Variants in NLRP5 observed in about 807,000 individuals in gnomAD.
NLRP5 encodes the protein NACHT, LRR and PYD domains-containing protein 5.
A neutral mutation model predicts 113.1 loss-of-function variants in NLRP5; 93 were observed. That is an observed-to-expected ratio of 0.82 (90% CI 0.70 to 0.98). The LOEUF (loss-of-function observed/expected upper bound fraction) is 0.98. Ranked by LOEUF, NLRP5 falls within the 50% of genes least tolerant of loss-of-function variation. The probability of loss-of-function intolerance (pLI) is 0.00; values close to 1 mark genes in which losing one functional copy is unlikely to be tolerated. For synonymous variants in NLRP5, 751 were observed against 600.7 expected, an observed-to-expected ratio of 1.25 and a Z score of -3.66; for missense variants, 1,808 against 1,514.3, an observed-to-expected ratio of 1.19 and a Z score of -3.22.
intron 6 of NLRP5, among the ~76,000 whole-genome samples, chr19:56,024,174 G>C (rs1982722517): frequency 6.6e-6 from 1 of 151,036 alleles, no homozygotes; most frequent in African/African-American, 2.4e-5. Context: ...CACATTTTCA[G>C]GCCCTGTGCT....
intron 2 of NLRP5, among the ~76,000 whole-genome samples, chr19:56,007,869 T>TG (rs1981984462): frequency 2.3e-5 from 2 of 85,928 alleles, no homozygotes; most frequent in African/African-American, 8.4e-5. Context: ...ACAAGACAGT[T>TG]TGTGTGTGTG....
chr19:56,059,120 G>A (rs1257099498), intron 14 of NLRP5, among the ~76,000 whole-genome samples: 1 of 152,200 alleles, frequency 6.6e-6, no homozygotes, highest in African/African-American at 2.4e-5. Context: ...GGCGATAGAT[G>A]GTTGTGGTGA....
intron 11 of NLRP5, 142 bp downstream of exon 11, chr19:56,041,234 CTCCTAGGTT>C (rs1217716262): frequency 1.5e-5 from 12 of 779,958 alleles, no homozygotes; most frequent in Non-Finnish European, 2.3e-5. Flanking sequence ...CTGTCCATGT[CTCCTAGGTT>C]TCATCCTTTC....
At chr19:56,051,212 A>C (rs1983920771) in intron 12 of NLRP5, among the ~76,000 whole-genome samples, 1 of 151,924 alleles carries the variant, frequency 6.6e-6, no homozygotes, top group African/African-American at 2.4e-5. Flanking sequence ...TTGTTTATTT[A>C]TTTTGAGTCT....
chr19:56,024,375 G>A (rs1293045798), intron 6 of NLRP5, among the ~76,000 whole-genome samples: 6 of 130,406 alleles, frequency 4.6e-5, no homozygotes, highest in East Asian at 2.1e-4. Context: ...ATATATATAT[G>A]TGTATATATA....
intron 13 of NLRP5, among the ~76,000 whole-genome samples, chr19:56,055,762 G>T (rs192962551): frequency 3.3e-5 from 5 of 151,272 alleles, no homozygotes; most frequent in Admixed American, 1.3e-4. Flanking sequence ...AGCCAGGATG[G>T]TCTCAATCTC....
intron 2 of NLRP5, among the ~76,000 whole-genome samples, chr19:56,007,654 A>G (rs1169074076): frequency 4.0e-5 from 6 of 151,238 alleles, no homozygotes; most frequent in African/African-American, 1.5e-4. Context: ...AAGCAATTAC[A>G]TAGTTTGAAA....
intron 1 of NLRP5, among the ~76,000 whole-genome samples, chr19:56,002,454 G>GTT (rs11291953): frequency 4.8e-5 from 7 of 146,886 alleles, no homozygotes; most frequent in Non-Finnish European, 9.0e-5. Context: ...TTTGCCAGAG[G>GTT]TTTTTTTTTT....
At chr19:56,010,134 C>T (rs1358657718) in intron 3 of NLRP5, among the ~76,000 whole-genome samples, 1 of 152,186 alleles carries the variant, frequency 6.6e-6, no homozygotes, top group Non-Finnish European at 1.5e-5. Flanking sequence ...CTCTGAGCTG[C>T]TCCTGGACAC....
rs769649907 is a variant in NLRP5, at chr19:56,041,041, A to G, written c.2906A>G (p.Asn969Ser). The G allele has an allele frequency of 1.2e-6, 2 of 1,613,970 alleles. No individual in the cohort carries two copies. Among genetic ancestry groups the G allele is most frequent in the East Asian group, 4.5e-5 (2 of 44,884 alleles). Residue 969 changes from asparagine (N) to serine (S), a missense_variant, in exon 11 of 15, where the codon AAT (asparagine) becomes AGT (serine). By Grantham distance (46) the Asn-to-Ser change is conservative (BLOSUM62 1). Transcript: ENST00000390649. ...AACAGCCTGGGGAACGAAGGTGTAA[A>G]TCTACTGTGTCGATCCATGAGGCTT... is the stretch of plus-strand genomic sequence containing the variant.
At chr19:56,026,773 T>TA (rs757714456) in intron 6 of NLRP5, 140 bp from the exon 7 acceptor site, 5 of 797,742 alleles carry the variant, frequency 6.3e-6, no homozygotes, top group Admixed American at 2.9e-5. Context: ...AGACGGGGCT[T>TA]TGCCATTGAC....
At chr19:55,989,265 T>C in the NLRP5 span, among the ~76,000 whole-genome samples, 9,203 of 152,254 alleles carry the variant, frequency 0.06, 310 homozygotes, top group Middle Eastern at 0.095. Context: ...ATTTTTGGTG[T>C]GTATGTGTTA....
intron 9 of NLRP5, among the ~76,000 whole-genome samples, chr19:56,035,127 T>C (rs778003236): frequency 6.6e-6 from 1 of 151,988 alleles, no homozygotes; most frequent in African/African-American, 2.4e-5. Flanking sequence ...TTAGTAGAGA[T>C]GGGGGTTTCA....
At chr19:56,037,904 AG>A in intron 9 of NLRP5, 120 bp from the exon 10 acceptor site, 11 of 954,302 alleles carry the variant, frequency 1.2e-5, no homozygotes, top group South Asian at 8.3e-5. Context: ...GCCCGGAGGC[AG>A]GAGCAGACAG....
intron 11 of NLRP5, among the ~76,000 whole-genome samples, chr19:56,041,896 C>T (rs1323906344): frequency 2.0e-5 from 3 of 152,220 alleles, no homozygotes; most frequent in Non-Finnish European, 4.4e-5. Flanking sequence ...TGGCAGTGAG[C>T]TGGCATGAGC....
intron 3 of NLRP5, among the ~76,000 whole-genome samples, chr19:56,009,060 C>G (rs1982069702): frequency 6.6e-6 from 1 of 152,002 alleles, no homozygotes; most frequent in Non-Finnish European, 1.5e-5. Context: ...GGCCTGGGGC[C>G]AGGTCTAGTG....
At chr19:56,004,546 AGTGGTTTGGTGCGAGTCTC>A (rs1439759048) in intron 2 of NLRP5, among the ~76,000 whole-genome samples, 1 of 152,092 alleles carries the variant, frequency 6.6e-6, no homozygotes, top group African/African-American at 2.4e-5. Flanking sequence ...TAACATTGGT[AGTGGTTTGGTGCGAGTCTC>A]GTGCTTGGCC....
At position 56,059,058 on chromosome 19, in the gene NLRP5, G is replaced by A. The variant is rs137971408; in HGVS notation, c.3470+648G>A. On this transcript the variant is annotated intron_variant, in intron 14 of 14. Transcript: ENST00000390649. Reference sequence around the variant, plus strand: ...TTCCAAAGGATTGGGGTGAGGGGTTGGGGAGTTGTGTAATAGGTGCAGAGT... The same window carrying A: ...TTCCAAAGGATTGGGGTGAGGGGTTAGGGAGTTGTGTAATAGGTGCAGAGT... Among the ~76,000 whole-genome samples, 204 of 152,338 alleles carry A rather than the reference G, an allele frequency of 1.3e-3. 1 individual carries two copies. Among genetic ancestry groups the A allele is most frequent in the African/African-American group, 4.8e-3 (199 of 41,582 alleles).
chr19:56,041,846 G>T (rs1983534159), intron 11 of NLRP5, among the ~76,000 whole-genome samples: 1 of 152,192 alleles, frequency 6.6e-6, no homozygotes, highest in African/African-American at 2.4e-5. Flanking sequence ...CGACTCAGGA[G>T]GCTGAGGCAG....
Sources: allele counts gnomAD v4.1 joint callset (sites outside exome capture counted in the v4.1 genomes callset), GRCh38; gene constraint gnomAD v4.1.1; transcripts MANE v1.5; gene names NCBI Gene and HGNC (gene_info 2026-07-23, HGNC 2026-07-21).